Variants in SOX6 observed in about 807,000 individuals in gnomAD.
SOX6 encodes the protein transcription factor SOX-6.
SOX6 carries 11 observed loss-of-function variants against 97.8 expected under a neutral mutation model. The ratio of observed to expected loss-of-function variants is 0.11; its 90% confidence interval spans 0.07 to 0.19. The LOEUF (loss-of-function observed/expected upper bound fraction) is 0.19. SOX6 is among the 10% of genes least tolerant of loss of function. SOX6 has a pLI of 1.00. For synonymous variants in SOX6, 360 were observed against 371.4 expected, an observed-to-expected ratio of 0.97 and a Z score of 0.35; for missense variants, 810 against 1,039.5, an observed-to-expected ratio of 0.78 and a Z score of 3.04.
rs1346369807 is a variant in SOX6, at chr11:16,170,071, T to C, written c.777+13815A>G. Among the ~76,000 whole-genome samples, 3 of 152,146 alleles carry C rather than the reference T, an allele frequency of 2.0e-5. No individual in the cohort carries two copies. The East Asian group carries it at 5.8e-4, about 29-fold the overall frequency. Reference sequence around the variant, plus strand: ...TCCTGTGTTGGTTCTTTTAAATAGCTCCAGTCCTGGCTGTCTTTGTTGGGC... The same window carrying C: ...TCCTGTGTTGGTTCTTTTAAATAGCCCCAGTCCTGGCTGTCTTTGTTGGGC... On this transcript the variant is annotated intron_variant, in intron 6 of 15. Transcript: ENST00000683767.
intron 11 of SOX6, among the ~76,000 whole-genome samples, chr11:16,047,646 G>A (rs2133909903): frequency 6.6e-6 from 1 of 152,068 alleles, no homozygotes; most frequent in South Asian, 2.1e-4. Flanking sequence ...TTCATCTGCT[G>A]TGACAAATGT....
chr11:16,209,137 C>G (rs989576175), intron 4 of SOX6, among the ~76,000 whole-genome samples: 1 of 152,164 alleles, frequency 6.6e-6, no homozygotes, highest in Non-Finnish European at 1.5e-5. Context: ...CCACTCTTCT[C>G]ACAAAATTGT....
intron 13 of SOX6, among the ~76,000 whole-genome samples, chr11:16,001,736 G>A (rs1488374967): frequency 6.6e-6 from 1 of 152,184 alleles, no homozygotes; most frequent in Non-Finnish European, 1.5e-5. Flanking sequence ...AGGGCATGTC[G>A]AGAAAGCACT....
chr11:16,342,018 A>G (rs1856652382), intron 1 of SOX6, among the ~76,000 whole-genome samples: 1 of 152,042 alleles, frequency 6.6e-6, no homozygotes, highest in South Asian at 2.1e-4. Context: ...AGTATATACA[A>G]GATTCGAAGC....
intron 6 of SOX6, among the ~76,000 whole-genome samples, chr11:16,123,835 A>G (rs1849549096): frequency 6.6e-6 from 1 of 152,118 alleles, no homozygotes; most frequent in Admixed American, 6.6e-5. Flanking sequence ...ACTTAGATAC[A>G]AAAAAGAGAT....
At chr11:16,441,344 A>G (rs1409305476) in intron 1 of SOX6, among the ~76,000 whole-genome samples, 1 of 152,162 alleles carries the variant, frequency 6.6e-6, no homozygotes, top group Non-Finnish European at 1.5e-5. Flanking sequence ...GTACACTTTT[A>G]TTTGTTATTT....
In SOX6 at chr11:16,519,368, G is replaced by A. The variant is rs1301304977; in HGVS notation, n.610-42980C>T. On this transcript the variant is annotated intron_variant and non_coding_transcript_variant, in intron 4 of 5. Coordinates refer to the SOX6 transcript ENST00000524520. ...TCTCTCCAACCCTCTCCCTTTTGGA[G>A]TTCCTGGTGTCTATTATTTCCATCT... Among the ~76,000 whole-genome samples the A allele has an allele frequency of 5.9e-5, 9 of 152,046 alleles. No homozygotes were observed. The East Asian group carries it at 1.5e-3, about 26-fold the overall frequency.
intron 2 of SOX6, among the ~76,000 whole-genome samples, chr11:16,326,385 GA>G (rs896248991): frequency 6.6e-5 from 10 of 151,606 alleles, no homozygotes; most frequent in Non-Finnish European, 1.5e-4. Context: ...CTTTCAGCAG[GA>G]AAAAAACAAC....
In SOX6 at chr11:16,193,362, A is replaced by AT. The variant is rs1485252902; in HGVS notation, c.536-6408dup. Reference sequence around the variant, plus strand: ...ACCCCAGTCTGGGCGACAGGGTGAGATCCTGTCTTTAAAAAAAAAATAAAA... The same window carrying AT: ...ACCCCAGTCTGGGCGACAGGGTGAGATTCCTGTCTTTAAAAAAAAAATAAAA... On this transcript the variant is annotated intron_variant, in intron 4 of 15. Coordinates refer to ENST00000683767, the MANE Select transcript of SOX6 (RefSeq NM_001367873.1). Among the ~76,000 whole-genome samples the AT allele has an allele frequency of 2.0e-5, 3 of 152,118 alleles. No homozygotes were observed. The East Asian group carries it at 5.8e-4, about 29-fold the overall frequency.
chr11:16,035,830 CT>C (rs1855504219), intron 12 of SOX6, among the ~76,000 whole-genome samples: 1 of 152,144 alleles, frequency 6.6e-6, no homozygotes, highest in East Asian at 1.9e-4. Flanking sequence ...AGCACTAAGA[CT>C]GAATTTAGCA....
chr11:16,080,978 A>G (rs1848460237), intron 9 of SOX6, among the ~76,000 whole-genome samples: 1 of 152,104 alleles, frequency 6.6e-6, no homozygotes, highest in South Asian at 2.1e-4. Context: ...AATTTCAGCT[A>G]TTCCAGAGGC....
intron 13 of SOX6, among the ~76,000 whole-genome samples, chr11:15,997,864 C>T (rs181372935): frequency 3.3e-5 from 5 of 152,184 alleles, no homozygotes; most frequent in Admixed American, 6.5e-5. Context: ...GGGCGGATCA[C>T]GAGGTCAGGA....
At chr11:16,292,667 T>C (rs992695715) in intron 3 of SOX6, among the ~76,000 whole-genome samples, 1 of 152,176 alleles carries the variant, frequency 6.6e-6, no homozygotes, top group Non-Finnish European at 1.5e-5. Flanking sequence ...GTGCTGGGAC[T>C]GAGCATGATT....
intron 4 of SOX6, among the ~76,000 whole-genome samples, chr11:16,489,708 G>A (rs527627919): frequency 6.6e-6 from 1 of 152,048 alleles, no homozygotes; most frequent in Non-Finnish European, 1.5e-5. Context: ...CACTTAACAG[G>A]TATACTTAAC....
chr11:16,288,678 T>C (rs1854822010), intron 3 of SOX6, among the ~76,000 whole-genome samples: 1 of 152,008 alleles, frequency 6.6e-6, no homozygotes, highest in African/African-American at 2.4e-5. Flanking sequence ...GTCAATGACA[T>C]ACCAGATAGT....
At chr11:16,656,623 T>C (rs1847720397) in intron 3 of SOX6, among the ~76,000 whole-genome samples, 1 of 152,200 alleles carries the variant, frequency 6.6e-6, no homozygotes, top group Non-Finnish European at 1.5e-5. Flanking sequence ...TTTTTATACT[T>C]ACAGTTTAGA....
chr11:16,678,611 T>C (rs926918902), intron 3 of SOX6, among the ~76,000 whole-genome samples: 13 of 152,124 alleles, frequency 8.5e-5, no homozygotes, highest in African/African-American at 3.1e-4. Context: ...GGACAGTGGG[T>C]ACAACCCAAG....
chr11:16,571,279 T>C (rs751641586), intron 4 of SOX6, among the ~76,000 whole-genome samples: 3 of 152,184 alleles, frequency 2.0e-5, no homozygotes, highest in Admixed American at 1.3e-4. Flanking sequence ...ACAGCAGAGC[T>C]CCGTAGGCAT....
chr11:16,110,581 T>G (rs747807937), intron 7 of SOX6, among the ~76,000 whole-genome samples: 4 of 152,180 alleles, frequency 2.6e-5, no homozygotes, highest in African/African-American at 7.2e-5. Flanking sequence ...ATGAGTTTGA[T>G]TCATTTATAT....
Sources: gnomAD v4.1 joint callset for allele counts (sites outside exome capture counted in the v4.1 genomes callset) on GRCh38, gnomAD v4.1.1 for gene constraint, MANE v1.5 for transcripts, NCBI Gene and HGNC (gene_info 2026-07-23, HGNC 2026-07-21) for gene names.